Variants in CARNS1 observed in about 807,000 individuals in gnomAD.
The protein encoded by CARNS1 is carnosine synthase 1.
A neutral mutation model predicts 74.0 loss-of-function variants in CARNS1; 61 were observed. The ratio of observed to expected loss-of-function variants is 0.82; its 90% CI spans 0.67 to 1.02. The LOEUF (loss-of-function observed/expected upper bound fraction) is 1.02. CARNS1 is among the 50% of genes least tolerant of loss of function. The pLI, the probability that CARNS1 is intolerant of heterozygous loss-of-function variation, is 0.00. For missense variants in CARNS1, 1,278 were observed against 1,308.4 expected (o/e 0.98, Z 0.36); for synonymous variants, 568 against 605.5 (o/e 0.94, Z 0.91).
chr11:67,424,861 C>CCCCA lies in CARNS1; in HGVS notation c.*261_*262insCCAC. ...TCTAGCCTTGGAGAAATGACAATGG[C>CCCCA]CACACACACACACACACACACACAC... On this transcript the variant is annotated 3_prime_UTR_variant, in exon 10 of 10. Coordinates refer to ENST00000687366, the MANE Select transcript of CARNS1 (RefSeq NM_001166222.2). 5.9e-6 allele frequency: 3 copies of CCCCA among 507,632 alleles called. No homozygotes were observed. The highest frequency in any genetic ancestry group is 4.1e-5 in the East Asian group (1 of 24,230). The allele number at this position is 507,632 out of a possible 1,614,324, so 31.4% of individuals were successfully genotyped here. A position where few individuals can be genotyped will look rare whatever the true frequency, so the allele number is the denominator to read the frequency against.
rs2135092823 is a variant in CARNS1 at position 67,421,209 on chromosome 11, A to G, written c.1616A>G (p.Tyr539Cys). The part of the protein sequence containing the change: ...KKFVWEAARD[Y>C]GLQLHLVESD... Reference sequence around the variant, plus strand: ...TTCGTGTGGGAGGCGGCGCGCGACTACGGGCTCCAGGTGGGCGGGGCGCGG... The same window carrying G: ...TTCGTGTGGGAGGCGGCGCGCGACTGCGGGCTCCAGGTGGGCGGGGCGCGG... Residue 539 changes from tyrosine to cysteine, a missense_variant, in exon 9 of 10, where the codon TAC becomes TGC. Physicochemically the swap from Tyr to Cys is radical, Grantham distance 194. Around this residue, in one of 3 missense-constraint regions of CARNS1, gnomAD observed 1,164 missense variants for 1,156.5 expected, o/e 1.01. Coordinates refer to ENST00000687366, the MANE Select transcript of CARNS1 (RefSeq NM_001166222.2). 3 of 1,487,574 alleles carry G rather than the reference A, an allele frequency of 2.0e-6. No individual in the cohort carries two copies. Among genetic ancestry groups the G allele is most frequent in the Middle Eastern group, 4.0e-4 (2 of 4,954 alleles). The allele number at this position is 1,487,574 out of a possible 1,614,324, so 92.1% of individuals were successfully genotyped here.
At chr11:67,416,924 T>C in intron 2 of CARNS1, 1 of 987,646 alleles carries the variant, frequency 1.0e-6, no homozygotes, top group Non-Finnish European at 1.2e-6. Context: ...GAATCACATT[T>C]AGGTGTCAGC....
rs1469231200 is a variant in CARNS1, at chr11:67,417,577, G to C, written c.174G>C (p.Glu58Asp). ...GCAAGGGATCCCCCGAGGGGGCCGA[G>C]GCCCGGGCTTGGACTGTCTACTACT... The part of the protein sequence containing the change: ...LDCKGSPEGA[E>D]ARAWTVYYYS... Residue 58 changes from glutamate to aspartate, a missense_variant, in exon 3 of 10, where the codon GAG becomes GAC. Glu to Asp is a conservative substitution (Grantham distance 45, BLOSUM62 2). Transcript: ENST00000687366. 7.3e-7 allele frequency: 1 copy of C among 1,370,318 alleles called. No individual in the cohort carries two copies. The highest frequency in any genetic ancestry group is 1.5e-5 in the African/African-American group (1 of 66,254). The allele number at this position is 1,370,318 out of a possible 1,614,324, so 84.9% of individuals were successfully genotyped here. A position where few individuals can be genotyped will look rare whatever the true frequency, so the allele number is the denominator to read the frequency against.
rs1472880595 is a variant in CARNS1 at position 67,420,820 on chromosome 11, G to A, written c.1325G>A (p.Arg442Gln). 5 of 1,222,062 alleles carry A rather than the reference G, an allele frequency of 4.1e-6. No individual in the cohort carries two copies. The highest frequency in any genetic ancestry group is 3.4e-5 in the East Asian group (1 of 29,466). The allele number at this position is 1,222,062 out of a possible 1,614,324, so 75.7% of individuals were successfully genotyped here. A position where few individuals can be genotyped will look rare whatever the true frequency, so the allele number is the denominator to read the frequency against. The change falls in exon 8 of 10, where the codon CGG (arginine) becomes CAG (glutamine). Residue 442 changes from arginine to glutamine, a missense_variant. Around this residue, in one of 3 missense-constraint regions of CARNS1, gnomAD observed 1,164 missense variants for 1,156.5 expected, o/e 1.01. Coordinates refer to ENST00000687366, the MANE Select transcript of CARNS1 (RefSeq NM_001166222.2). Reference sequence around the variant, plus strand: ...AGTGCCGAGCAGCGCGGCGGGCGCCGGGCGCACACGGACTTCCTGGGTGAG... The same window carrying A: ...AGTGCCGAGCAGCGCGGCGGGCGCCAGGCGCACACGGACTTCCTGGGTGAG... ...GLSAEQRGGRRAHTDFLGVDF... is the reference protein window; with the variant it reads ...GLSAEQRGGRQAHTDFLGVDF...
chr11:67,423,290 G>A lies in CARNS1; in HGVS notation c.1627-85G>A, dbSNP rs1027349094. ...TAGTGTTTGTGTACTCGTATCCCCT[G>A]AAGGGGCCATCCTAGGCCCCATCCT... On this transcript the variant is annotated intron_variant, in intron 9 of 9. Transcript: ENST00000687366. The surrounding 1 kb of genome is among the most constrained non-coding windows in gnomAD (Gnocchi z 5.1). The A allele has an allele frequency of 5.0e-6, 7 of 1,401,534 alleles. No individual in the cohort carries two copies. The African/African-American group carries it at 8.6e-5, about 17-fold the overall frequency. The allele number at this position is 1,401,534 out of a possible 1,614,324, so 86.8% of individuals were successfully genotyped here.
chr11:67,416,364 C>A, intron 2 of CARNS1, 162 bp downstream of exon 2: 1 of 1,458,488 alleles, frequency 6.9e-7, no homozygotes, highest in Non-Finnish European at 9.0e-7. Flanking sequence ...CGGCTGCATC[C>A]TGGGAGGTGG....
Position 67,420,657 on chromosome 11 carries a change from T to C in CARNS1, c.1162T>C (p.Ser388Pro). The change falls in exon 8 of 10, where the codon TCC becomes CCC. Residue 388 changes from serine to proline, a missense_variant. Coordinates refer to ENST00000687366, the MANE Select transcript of CARNS1 (RefSeq NM_001166222.2). The part of the protein sequence containing the change: ...RGDRPLRHHN[S>P]LPRTLEVALA... Reference sequence around the variant, plus strand: ...GGACCGCCCTCTACGGCACCACAACTCCCTGCCGAGGACGCTGGAGGTGGC... The same window carrying C: ...GGACCGCCCTCTACGGCACCACAACCCCCTGCCGAGGACGCTGGAGGTGGC... 8.0e-7 allele frequency: 1 copy of C among 1,256,064 alleles called. No homozygotes were observed. The highest frequency in any genetic ancestry group is 1.0e-6 in the Non-Finnish European group (1 of 1,002,200). 77.8% of individuals were successfully genotyped at this position (1,256,064 alleles called of 1,614,324 possible). A position where few individuals can be genotyped will look rare whatever the true frequency, so the allele number is the denominator to read the frequency against.
intron 9 of CARNS1, among the ~76,000 whole-genome samples, chr11:67,422,294 G>C (rs1252808144): frequency 6.9e-6 from 1 of 144,076 alleles, no homozygotes; most frequent in Admixed American, 7.3e-5. Context: ...AGTGATTCTC[G>C]TGCCTCAGCC....
At chr11:67,422,725 G>T (rs970189985) in intron 9 of CARNS1, among the ~76,000 whole-genome samples, 1 of 152,096 alleles carries the variant, frequency 6.6e-6, no homozygotes, top group Non-Finnish European at 1.5e-5. Context: ...CTCTCCCACC[G>T]TGCAGCACCC....
At chr11:67,419,973 T>A in intron 7 of CARNS1, 135 bp downstream of exon 7, 1 of 835,832 alleles carries the variant, frequency 1.2e-6, no homozygotes, top group Non-Finnish European at 1.9e-6. Context: ...TAGTTGCCTC[T>A]GGGGAAACTA....
In CARNS1 at chr11:67,423,335, C is replaced by T; in HGVS notation, c.1627-40C>T. The T allele has an allele frequency of 6.4e-7, 1 of 1,570,518 alleles. No individual in the cohort carries two copies. The highest frequency in any genetic ancestry group is 8.7e-7 in the Non-Finnish European group (1 of 1,154,496). Reference sequence around the variant, plus strand: ...CATCCTATCCCCCTAGCACCCAGTACTAGCTGACCTGGATATGCCCCACCC... The same window carrying T: ...CATCCTATCCCCCTAGCACCCAGTATTAGCTGACCTGGATATGCCCCACCC... On this transcript the variant is annotated intron_variant, in intron 9 of 9. Transcript: ENST00000687366. The surrounding 1 kb of genome is among the most constrained non-coding windows in gnomAD (Gnocchi z 5.1).
intron 3 of CARNS1, 125 bp from the exon 4 acceptor site, chr11:67,418,306 C>T (rs2135081816): frequency 1.6e-6 from 1 of 637,836 alleles, no homozygotes; most frequent in East Asian, 3.3e-5. Flanking sequence ...TGTCCCCTGT[C>T]TCATCCGATT....
intron 7 of CARNS1, 32 bp downstream of exon 7, chr11:67,419,870 T>G (rs1323509634): frequency 1.9e-6 from 3 of 1,550,478 alleles, no homozygotes; most frequent in South Asian, 2.4e-5. Context: ...GCTGTGACCC[T>G]GCCTGCCACA....
intron 3 of CARNS1, 24 bp downstream of exon 3, chr11:67,417,701 A>G (rs2135080354): frequency 8.0e-7 from 1 of 1,244,974 alleles, no homozygotes; most frequent in South Asian, 3.4e-5. Context: ...CCCTGGAGGG[A>G]GGCACCTCTG....
intron 7 of CARNS1, 141 bp downstream of exon 7, chr11:67,419,979 A>G (rs1307710632): frequency 1.1e-5 from 9 of 801,222 alleles, no homozygotes; most frequent in East Asian, 2.7e-5. Context: ...CCTCTGGGGA[A>G]ACTACTGGGT....
intron 6 of CARNS1, 31 bp from the exon 7 acceptor site, chr11:67,419,722 G>A (rs1295680032): frequency 6.3e-7 from 1 of 1,593,896 alleles, no homozygotes; most frequent in Non-Finnish European, 8.5e-7. Context: ...GCCACTCTGT[G>A]CTGGCCTTAG....
intron 1 of CARNS1, 109 bp downstream of exon 1, chr11:67,415,872 G>A (rs183628051): frequency 0.017 from 3,805 of 220,948 alleles, 155 homozygotes; most frequent in African/African-American, 0.082. Flanking sequence ...CGGGACCCTC[G>A]ACGCTACGCC....
chr11:67,416,028 G>A (rs2135076237), intron 1 of CARNS1, 148 bp from the exon 2 acceptor site: 1 of 654,446 alleles, frequency 1.5e-6, no homozygotes, highest in South Asian at 1.7e-5. Flanking sequence ...CCCTACCTTC[G>A]GGGTGGGGGT....
rs1406362936 is a variant in CARNS1, at chr11:67,424,894, T to C, written c.*293T>C. The C allele has an allele frequency of 1.4e-5, 7 of 514,544 alleles. No individual in the cohort carries two copies. The highest frequency in any genetic ancestry group is 4.5e-5 in the East Asian group (1 of 22,030). The allele number at this position is 514,544 out of a possible 1,614,324, so 31.9% of individuals were successfully genotyped here. On this transcript the variant is annotated 3_prime_UTR_variant, in exon 10 of 10. Coordinates refer to ENST00000687366, the MANE Select transcript of CARNS1 (RefSeq NM_001166222.2). ...ACACACACACACACACACACACACC[T>C]CTGACGCCAGCTCCCCAGGTGGGAG...
Sources: allele counts gnomAD v4.1 joint callset (sites outside exome capture counted in the v4.1 genomes callset), GRCh38; gene constraint gnomAD v4.1.1; regional missense constraint gnomAD v4.1.1; non-coding constraint Gnocchi (gnomAD v3.1); transcripts MANE v1.5; gene names NCBI Gene and HGNC (gene_info 2026-07-23, HGNC 2026-07-21).